The following PATJ variants were observed in gnomAD, a reference collection of about 807,000 sequenced individuals.
PATJ encodes inaD-like protein.
PATJ carries 190 observed loss-of-function variants against 224.9 expected under a neutral mutation model. That is an observed-to-expected ratio of 0.84 (90% CI 0.75 to 0.95). PATJ has a LOEUF of 0.95. PATJ is among the 40% of genes least tolerant of loss of function. PATJ has a pLI of 0.00. For synonymous variants in PATJ, 769 were observed against 820.3 expected (o/e 0.94, Z 1.07); for missense variants, 2,121 against 2,270.3 (o/e 0.93, Z 1.34).
At chr1:62,084,197 T>C (rs1659649227) in intron 32 of PATJ, among the ~76,000 whole-genome samples, 1 of 152,272 alleles carries the variant, frequency 6.6e-6, no homozygotes. Context: ...GAGGTTGCAG[T>C]GAGCTGAGAT....
At chr1:61,818,543 C>A (rs1300410448) in intron 14 of PATJ, among the ~76,000 whole-genome samples, 1 of 152,192 alleles carries the variant, frequency 6.6e-6, no homozygotes, top group Non-Finnish European at 1.5e-5. Context: ...CCTGCTCCCG[C>A]AGAGAAGCTT....
chr1:62,148,301 T>C lies in PATJ; in HGVS notation c.5289T>C (p.Asn1763=). 6.2e-7 allele frequency: 1 copy of C among 1,613,710 alleles called. No individual in the cohort carries two copies. Among genetic ancestry groups the C allele is most frequent in the Non-Finnish European group, 8.5e-7 (1 of 1,179,736 alleles). Residue 1763 remains asparagine (N), a synonymous_variant, in exon 42 of 44, where the codon AAT becomes AAC. Coordinates refer to ENST00000642238, the MANE Select transcript of PATJ (RefSeq NM_001350145.3). The stretch of plus-strand genomic sequence containing the variant: ...TTCCCCAGGTTGTAGCAGATACCAA[T>C]ATAAGCGCCATAGCAGCTCAGCTTG... ...RIILQVVADT[N]ISAIAAQLEN... is the part of the protein sequence containing the mutation.
intron 27 of PATJ, among the ~76,000 whole-genome samples, chr1:61,949,232 AAAGG>A (rs1679254637): frequency 2.0e-5 from 3 of 152,198 alleles, no homozygotes; most frequent in Admixed American, 6.5e-5. Flanking sequence ...AAAGAAAAAA[AAAGG>A]AAGCCTGCTG....
intron 33 of PATJ, among the ~76,000 whole-genome samples, chr1:62,093,802 CTA>C (rs1392100506): frequency 6.6e-6 from 1 of 152,048 alleles, no homozygotes; most frequent in Non-Finnish European, 1.5e-5. Flanking sequence ...TAAAATAAGT[CTA>C]TATTTCTGTA....
chr1:61,811,036 A>C (rs901307396), intron 14 of PATJ, among the ~76,000 whole-genome samples: 1 of 152,202 alleles, frequency 6.6e-6, no homozygotes, highest in Non-Finnish European at 1.5e-5. Context: ...GCTTATGCAG[A>C]ATTTCATAGC....
intron 3 of PATJ, among the ~76,000 whole-genome samples, chr1:61,764,661 A>T (rs1646159255): frequency 6.6e-6 from 1 of 152,218 alleles, no homozygotes; most frequent in Non-Finnish European, 1.5e-5. Flanking sequence ...GTTTTTGCTG[A>T]TAAACTAAAA....
intron 33 of PATJ, among the ~76,000 whole-genome samples, chr1:62,089,698 GA>G (rs1479381650): frequency 4.0e-5 from 6 of 150,138 alleles, no homozygotes; most frequent in Non-Finnish European, 8.9e-5. Context: ...TCCAAATTTT[GA>G]CATGGAATGT....
intron 15 of PATJ, 137 bp from the exon 16 acceptor site, chr1:61,827,285 A>G (rs532096538): frequency 1.5e-6 from 1 of 650,558 alleles, no homozygotes; most frequent in East Asian, 2.8e-5. Flanking sequence ...AAATAATATG[A>G]TGAAAGCGAG....
chr1:61,809,468 ACCTCTG>A (rs1654256700), intron 14 of PATJ, among the ~76,000 whole-genome samples: 1 of 150,818 alleles, frequency 6.6e-6, no homozygotes, highest in South Asian at 2.1e-4. Flanking sequence ...GCTCACCGCA[ACCTCTG>A]CCTCCCGGGT....
chr1:62,091,479 T>TTTGCCCAGTGCCCA lies in PATJ; in HGVS notation c.4377+6831_4377+6832insTTGCCCAGTGCCCA, dbSNP rs1328414629. 2.0e-5 allele frequency among the ~76,000 whole-genome samples: 3 copies of TTTGCCCAGTGCCCA among 152,366 alleles called. No individual in the cohort carries two copies. The East Asian group carries it at 5.8e-4, about 29-fold the overall frequency. ...AACTTTACCCAGTGCCTATTTAAACTGAGTTCAGTTATTATTAATTATAAA... is the reference window on the plus strand; with the variant it reads ...AACTTTACCCAGTGCCTATTTAAACTTTGCCCAGTGCCCAGAGTTCAGTTATTATTAATTATAAA... On this transcript the variant is annotated intron_variant, in intron 33 of 43. Transcript: ENST00000642238.
chr1:61,795,532 A>G lies in PATJ; in HGVS notation c.1234A>G (p.Ile412Val), dbSNP rs770666101. Residue 412 changes from isoleucine to valine, a missense_variant, in exon 10 of 44, where the codon ATT (isoleucine) becomes GTT (valine). Physicochemically the swap from Ile to Val is conservative, Grantham distance 29. Coordinates refer to ENST00000642238, the MANE Select transcript of PATJ (RefSeq NM_001350145.3). ...CAGTGCTGCGTACCACAATGGCCAC[A>G]TTCAAGTGAATGACAAAATAGTTGC... ...PGSAAYHNGH[I>V]QVNDKIVAVD... is the part of the protein sequence containing the mutation. The G allele has an allele frequency of 1.2e-6, 2 of 1,609,358 alleles. No individual in the cohort carries two copies. Among genetic ancestry groups the G allele is most frequent in the African/African-American group, 1.3e-5 (1 of 74,962 alleles).
chr1:62,135,033 A>G (rs1666680984), intron 41 of PATJ, among the ~76,000 whole-genome samples: 1 of 152,136 alleles, frequency 6.6e-6, no homozygotes, highest in Admixed American at 6.5e-5. Flanking sequence ...ATCTGCTATT[A>G]GGTCTTTACC....
At position 62,121,254 on chromosome 1, in the gene PATJ, T is replaced by C. The variant is rs1665009114; in HGVS notation, c.4964T>C (p.Val1655Ala). The C allele has an allele frequency of 6.2e-7, 1 of 1,613,836 alleles. No individual in the cohort carries two copies. The highest frequency in any genetic ancestry group is 1.3e-5 in the African/African-American group (1 of 74,874). The change falls in exon 38 of 44, where the codon GTT becomes GCT. Residue 1655 changes from valine to alanine, a missense_variant. Coordinates refer to ENST00000642238, the MANE Select transcript of PATJ (RefSeq NM_001350145.3). ...GTCATCACTGGCCTGCAAAACCTGG[T>C]TGGCACAAAAAGAGTTTCAGATCCT... is the stretch of plus-strand genomic sequence containing the variant. The part of the protein sequence containing the change: ...APVITGLQNL[V>A]GTKRVSDPSQ...
chr1:61,745,626 C>T (rs778297935), intron 1 of PATJ, among the ~76,000 whole-genome samples: 7 of 151,256 alleles, frequency 4.6e-5, no homozygotes, highest in East Asian at 3.9e-4. Flanking sequence ...TATTTGGAGA[C>T]GGAGTCTTGC....
rs1052887081 is a variant in PATJ, at chr1:61,808,471, T to C, written c.1627-3T>C. Reference sequence around the variant, plus strand: ...ATACTGGAAATTTTTTTTGTAAATTTAGGTTGCTACTTTGGACACACAGAT... The same window carrying C: ...ATACTGGAAATTTTTTTTGTAAATTCAGGTTGCTACTTTGGACACACAGAT... On this transcript the variant is annotated splice_polypyrimidine_tract_variant and splice_region_variant and intron_variant, in intron 13 of 43. Coordinates refer to ENST00000642238, the MANE Select transcript of PATJ (RefSeq NM_001350145.3). 3 of 1,594,884 alleles carry C rather than the reference T, an allele frequency of 1.9e-6. No homozygotes were observed. The highest frequency in any genetic ancestry group is 8.6e-7 in the Non-Finnish European group (1 of 1,164,340).
At chr1:61,820,707 C>CA (rs987167675) in intron 14 of PATJ, among the ~76,000 whole-genome samples, 1 of 152,164 alleles carries the variant, frequency 6.6e-6, no homozygotes, top group African/African-American at 2.4e-5. Flanking sequence ...AACTGGCTTG[C>CA]AAAATCAGTG....
chr1:62,028,098 T>C (rs1485001566), intron 29 of PATJ, among the ~76,000 whole-genome samples: 1 of 152,254 alleles, frequency 6.6e-6, no homozygotes, highest in Non-Finnish European at 1.5e-5. Flanking sequence ...TATTTTCATC[T>C]AAGAGTTTTA....
At chr1:61,825,710 A>G (rs1418128121) in intron 15 of PATJ, among the ~76,000 whole-genome samples, 1 of 152,210 alleles carries the variant, frequency 6.6e-6, no homozygotes, top group Non-Finnish European at 1.5e-5. Context: ...AGGCACTGGT[A>G]TAATAATTGG....
At chr1:62,132,566 G>A (rs1233801085) in intron 41 of PATJ, among the ~76,000 whole-genome samples, 1 of 152,038 alleles carries the variant, frequency 6.6e-6, no homozygotes, top group Non-Finnish European at 1.5e-5. Flanking sequence ...AAAGGAGCAA[G>A]GACTCTTTCA....
Sources: gnomAD v4.1 joint callset for allele counts (sites outside exome capture counted in the v4.1 genomes callset) on GRCh38, gnomAD v4.1.1 for gene constraint, MANE v1.5 for transcripts, NCBI Gene and HGNC (gene_info 2026-07-23, HGNC 2026-07-21) for gene names.